CREBBP: variants seen among roughly 807,000 people sequenced by gnomAD.
CREBBP encodes the protein CREB-binding protein.
Under a neutral mutation model 265.0 loss-of-function variants are expected in CREBBP, and 19 were observed. The observed-to-expected ratio is 0.07, with a 90% CI of 0.05 to 0.11. The LOEUF is 0.11. Ranked by LOEUF, CREBBP falls within the 10% of genes least tolerant of loss-of-function variation. The pLI, the probability that CREBBP is intolerant of heterozygous loss-of-function variation, is 1.00. For synonymous variants in CREBBP, 1,457 were observed against 1,223.7 expected (o/e 1.19, Z -3.98); for missense variants, 2,525 against 3,219.0 (o/e 0.78, Z 5.22).
intron 23 of CREBBP, among the ~76,000 whole-genome samples, chr16:3,743,933 G>A (rs1042452394): frequency 1.3e-5 from 2 of 152,092 alleles, no homozygotes; most frequent in African/African-American, 4.8e-5. Flanking sequence ...AAAATTAGCT[G>A]GGCAAGGTGG....
intron 2 of CREBBP, among the ~76,000 whole-genome samples, chr16:3,839,710 AAGGGG>A (rs1184372916): frequency 5.6e-5 from 5 of 88,766 alleles, no homozygotes; most frequent in East Asian, 3.6e-4. Context: ...GAAGGAAGGG[AAGGGG>A]AGGGGAGGGG....
At chr16:3,831,092 T>C (rs2054334612) in intron 2 of CREBBP, among the ~76,000 whole-genome samples, 1 of 152,186 alleles carries the variant, frequency 6.6e-6, no homozygotes. Context: ...TCTTTTCAAG[T>C]ATAGATAGAA....
chr16:3,740,560 CAGA>C lies in CREBBP; in HGVS notation c.3983-14_3983-12del, dbSNP rs2052179041. On this transcript the variant is annotated splice_polypyrimidine_tract_variant and intron_variant, in intron 23 of 30. Transcript: ENST00000262367. ...TTGTGGTCTGCAGCCCTAGGAAGTC[CAGA>C]AGGAGCAGGTGAGAGGGCTTCAACA... The C allele has an allele frequency of 6.2e-7, 1 of 1,614,114 alleles. No homozygotes were observed. The highest frequency in any genetic ancestry group is 1.3e-5 in the African/African-American group (1 of 75,030).
At chr16:3,810,216 G>A (rs1041190689) in intron 3 of CREBBP, among the ~76,000 whole-genome samples, 2 of 152,144 alleles carry the variant, frequency 1.3e-5, no homozygotes, top group Non-Finnish European at 1.5e-5. Context: ...GAAGATAAAT[G>A]TCCATCATCT....
chr16:3,867,673 T>A (rs1327417122), intron 1 of CREBBP, among the ~76,000 whole-genome samples: 3 of 149,472 alleles, frequency 2.0e-5, no homozygotes, highest in African/African-American at 7.4e-5. Context: ...ATCCCTAAAC[T>A]TTGGGAGGCT....
intron 2 of CREBBP, among the ~76,000 whole-genome samples, chr16:3,827,983 C>T (rs1392930430): frequency 2.6e-5 from 4 of 152,324 alleles, no homozygotes; most frequent in East Asian, 3.9e-4. Flanking sequence ...TGAACCACTG[C>T]ACCTGGCCAA....
In CREBBP at chr16:3,738,449, T is replaced by C. The variant is rs2052124406; in HGVS notation, c.4394+110A>G. On this transcript the variant is annotated intron_variant, in intron 26 of 30. Coordinates refer to ENST00000262367, the MANE Select transcript of CREBBP (RefSeq NM_004380.3). ...TGGAGATTCTGAATTGATCTTAGGA[T>C]GGAAAAATAAAAACGCATAAAACTT... 9.3e-6 allele frequency: 7 copies of C among 752,282 alleles called. No homozygotes were observed. The East Asian group carries it at 1.9e-4, about 20-fold the overall frequency. The allele number at this position is 752,282 out of a possible 1,614,324, so 46.6% of individuals were successfully genotyped here.
intron 18 of CREBBP, 89 bp from the exon 19 acceptor site, chr16:3,757,465 A>G: frequency 8.8e-7 from 1 of 1,138,022 alleles, no homozygotes; most frequent in African/African-American, 1.5e-5. Flanking sequence ...AGACTAGTAA[A>G]TTATTTCTGT....
intron 1 of CREBBP, among the ~76,000 whole-genome samples, chr16:3,865,543 G>C (rs968310673): frequency 1.3e-5 from 2 of 152,206 alleles, no homozygotes; most frequent in Non-Finnish European, 2.9e-5. Flanking sequence ...TGGTTACCTG[G>C]GAGGAGCTAG....
At chr16:3,852,035 C>CGAAAAA (rs2054854044) in intron 1 of CREBBP, among the ~76,000 whole-genome samples, 1 of 11,196 alleles carries the variant, frequency 8.9e-5, no homozygotes, top group Non-Finnish European at 1.8e-4. Flanking sequence ...GACTCCATCT[C>CGAAAAA]AAAAAAAAAA....
chr16:3,792,856 C>T (rs180932342), intron 4 of CREBBP, among the ~76,000 whole-genome samples: 2 of 152,348 alleles, frequency 1.3e-5, no homozygotes, highest in Admixed American at 6.5e-5. Context: ...TCACCACCCC[C>T]CCTGGGATGA....
intron 2 of CREBBP, among the ~76,000 whole-genome samples, chr16:3,835,474 T>A (rs765872024): frequency 1.8e-4 from 28 of 151,892 alleles, no homozygotes; most frequent in South Asian, 4.2e-4. Flanking sequence ...AACAGACACC[T>A]CCTTGTACAG....
rs1596777897 is a variant in CREBBP, at chr16:3,726,669, T to C, written c.*1049A>G. 2.1e-5 allele frequency: 5 copies of C among 233,578 alleles called. No homozygotes were observed. The East Asian group carries it at 3.0e-4, about 14-fold the overall frequency. The allele number at this position is 233,578 out of a possible 1,614,324, so 14.5% of individuals were successfully genotyped here. On this transcript the variant is annotated 3_prime_UTR_variant, in exon 31 of 31. Transcript: ENST00000262367. Reference sequence around the variant, plus strand: ...ATACATGTTAAAAACCTCAGTAATTTATATCAATTTTAAGCGGTACTTTAT... The same window carrying C: ...ATACATGTTAAAAACCTCAGTAATTCATATCAATTTTAAGCGGTACTTTAT...
chr16:3,851,315 A>G (rs1445247160), intron 1 of CREBBP, among the ~76,000 whole-genome samples: 1 of 150,822 alleles, frequency 6.6e-6, no homozygotes, highest in Non-Finnish European at 1.5e-5. Flanking sequence ...TTAAAAAAAA[A>G]AAAAAAAAAA....
At chr16:3,774,932 G>A (rs1277537677) in intron 11 of CREBBP, among the ~76,000 whole-genome samples, 1 of 152,152 alleles carries the variant, frequency 6.6e-6, no homozygotes, top group African/African-American at 2.4e-5. Context: ...AGGGAAGGAC[G>A]AGGACATGAA....
At chr16:3,809,251 C>T (rs1408783009) in intron 3 of CREBBP, among the ~76,000 whole-genome samples, 1 of 151,958 alleles carries the variant, frequency 6.6e-6, no homozygotes, top group Non-Finnish European at 1.5e-5. Context: ...GATCTCCGCT[C>T]ACTGCAACCT....
intron 27 of CREBBP, 94 bp downstream of exon 27, chr16:3,736,556 G>T (rs774443451): frequency 1.7e-4 from 254 of 1,516,048 alleles, no homozygotes; most frequent in Non-Finnish European, 1.9e-4. Flanking sequence ...ATAAGTGAAG[G>T]TAATTAACAA....
intron 16 of CREBBP, among the ~76,000 whole-genome samples, chr16:3,766,525 T>C (rs1311957689): frequency 2.0e-5 from 3 of 151,916 alleles, no homozygotes; most frequent in African/African-American, 4.9e-5. Flanking sequence ...TTTAAAAATT[T>C]TTCTCTTTTT....
intron 28 of CREBBP, among the ~76,000 whole-genome samples, chr16:3,734,268 C>T (rs1033822484): frequency 1.3e-5 from 2 of 152,170 alleles, no homozygotes; most frequent in Non-Finnish European, 2.9e-5. Context: ...CTAAGGCTGA[C>T]CCCCAGAGCG....
Sources: gnomAD v4.1 joint callset for allele counts (sites outside exome capture counted in the v4.1 genomes callset) on GRCh38, gnomAD v4.1.1 for gene constraint, MANE v1.5 for transcripts, NCBI Gene and HGNC (gene_info 2026-07-23, HGNC 2026-07-21) for gene names.